Variants in CFAP65 observed in about 807,000 individuals in gnomAD.
CFAP65 encodes cilia and flagella associated protein 65.
In CFAP65, 155 loss-of-function variants were observed where a neutral mutation model predicts 208.0. The observed-to-expected ratio is 0.75, with a 90% CI of 0.65 to 0.85. The LOEUF (loss-of-function observed/expected upper bound fraction) is 0.85. Ranked by LOEUF, CFAP65 falls within the 40% of genes least tolerant of loss-of-function variation. CFAP65 has a pLI of 0.00. For missense variants in CFAP65, 2,294 were observed against 2,451.3 expected (o/e 0.94, Z 1.36); for synonymous variants, 970 against 986.3 (o/e 0.98, Z 0.31).
At position 219,021,286 on chromosome 2, in the gene CFAP65, C is replaced by T; in HGVS notation, c.3131-6G>A. 1 of 1,572,556 alleles carries T rather than the reference C, an allele frequency of 6.4e-7. No homozygotes were observed. Among genetic ancestry groups the T allele is most frequent in the Non-Finnish European group, 8.6e-7 (1 of 1,157,602 alleles). ...TGTTCGGTCCAGCTGCAGAGCTGCT[C>T]AGGGATGATGCCGGAGGGTCAGTGG... On this transcript the variant is annotated splice_region_variant and splice_polypyrimidine_tract_variant and intron_variant, in intron 18 of 34. Coordinates refer to ENST00000341552, the MANE Select transcript of CFAP65 (RefSeq NM_194302.4).
intron 31 of CFAP65, 42 bp from the exon 32 acceptor site, chr2:219,005,604 C>T (rs767751505): frequency 1.2e-6 from 2 of 1,605,908 alleles, no homozygotes; most frequent in Non-Finnish European, 1.7e-6. Context: ...GGCAAGCCAC[C>T]ATGCTGGGGT....
In CFAP65 at chr2:219,032,568, G is replaced by A. The variant is rs147924792; in HGVS notation, c.547C>T (p.Pro183Ser). The A allele has an allele frequency of 1.3e-6, 2 of 1,595,270 alleles. No homozygotes were observed. Among genetic ancestry groups the A allele is most frequent in the Non-Finnish European group, 1.7e-6 (2 of 1,170,712 alleles). The stretch of plus-strand genomic sequence containing the variant: ...ACCGTGAAGAAGAACTTGGTCTTGG[G>A]GGGCCTGCAGGAGAGAGCCGGTGGG... ...LKLQKMKYRP[P>S]KTKFFFTVIP... The change falls in exon 6 of 35, where the codon CCC (proline) becomes TCC (serine). Residue 183 changes from proline to serine, a missense_variant. By Grantham distance (74) the Pro-to-Ser change is moderately conservative. Around this residue, in one of 2 missense-constraint regions of CFAP65, gnomAD observed 867 missense variants for 1,012.6 expected, o/e 0.86. Coordinates refer to ENST00000341552, the MANE Select transcript of CFAP65 (RefSeq NM_194302.4). The surrounding 1 kb of genome is among the most constrained non-coding windows in gnomAD (Gnocchi z 5.5).
In CFAP65 at chr2:219,031,304, C is replaced by A; in HGVS notation, c.817G>T (p.Asp273Tyr). The stretch of plus-strand genomic sequence containing the variant: ...TCCCAGGTGAAGAAGGTGGGCAGGT[C>A]CCTGGGGGTGGGGGGCAGGTCAGGG... Reference protein sequence around the residue: ...EAFFCLDNVGDLPTFFTWEFS... With the variant: ...EAFFCLDNVGYLPTFFTWEFS... Residue 273 changes from aspartate to tyrosine, a missense_variant and splice_region_variant, in exon 8 of 35, where the codon GAC becomes TAC. Physicochemically the swap from Asp to Tyr is radical, Grantham distance 160. Transcript: ENST00000341552. This position sits in a 1 kb window ranked among gnomAD's most constrained non-coding sequence, Gnocchi z 5.2. 1 of 1,613,426 alleles carries A rather than the reference C, an allele frequency of 6.2e-7. No homozygotes were observed. The highest frequency in any genetic ancestry group is 1.3e-5 in the African/African-American group (1 of 75,006).
In CFAP65 at chr2:219,027,194, C is replaced by T. The variant is rs985128163; in HGVS notation, c.2211+456G>A. 36 of 1,252,660 alleles carry T rather than the reference C, an allele frequency of 2.9e-5. No homozygotes were observed. In the African/African-American group the frequency reaches 3.9e-4, roughly 14 times the overall value. 77.6% of individuals were successfully genotyped at this position (1,252,660 alleles called of 1,614,324 possible). A position where few individuals can be genotyped will look rare whatever the true frequency, so the allele number is the denominator to read the frequency against. ...CTGGGGACAGCCGGCACTCGGAGTT[C>T]CCGACCCAGGGAAGCTGAGTCAGAA... On this transcript the variant is annotated intron_variant, in intron 13 of 34. Transcript: ENST00000341552.
intron 2 of CFAP65, among the ~76,000 whole-genome samples, chr2:219,039,688 A>G (rs946057767): frequency 5.9e-5 from 9 of 152,206 alleles, no homozygotes; most frequent in African/African-American, 2.2e-4. Flanking sequence ...AAAATACTAC[A>G]TTGAATATGT....
chr2:219,032,511 T>C lies in CFAP65; in HGVS notation c.604A>G (p.Ile202Val). Residue 202 changes from isoleucine to valine, a missense_variant, in exon 6 of 35, where the codon ATA becomes GTA. Ile to Val is a conservative substitution (Grantham distance 29). Around this residue, in one of 2 missense-constraint regions of CFAP65, gnomAD observed 867 missense variants for 1,012.6 expected, o/e 0.86. Coordinates refer to ENST00000341552, the MANE Select transcript of CFAP65 (RefSeq NM_194302.4). The surrounding 1 kb of genome is among the most constrained non-coding windows in gnomAD (Gnocchi z 5.5). ...AAGACGATGGGGAGCGTGAGGGTTA[T>C]GCCTGGGCTCAGGAAGATGGGCTGA... ...IPQPIFLSPG[I>V]TLTLPIVFRP... 1 of 1,606,568 alleles carries C rather than the reference T, an allele frequency of 6.2e-7. No homozygotes were observed. Among genetic ancestry groups the C allele is most frequent in the Non-Finnish European group, 8.5e-7 (1 of 1,176,734 alleles).
In CFAP65 at chr2:219,032,596, GCA is replaced by G. The variant is rs1559159843; in HGVS notation, c.543-26_543-25del. On this transcript the variant is annotated intron_variant, in intron 5 of 34. Transcript: ENST00000341552. This position sits in a 1 kb window ranked among gnomAD's most constrained non-coding sequence, Gnocchi z 5.5. ...GCCTGCAGGAGAGAGCCGGTGGGGA[GCA>G]CCTCAGATCAGGGCTCAGAACAACT... is the stretch of plus-strand genomic sequence containing the variant. 1.9e-6 allele frequency: 3 copies of G among 1,566,258 alleles called. No homozygotes were observed. The highest frequency in any genetic ancestry group is 2.6e-6 in the Non-Finnish European group (3 of 1,152,956).
rs757558062 is a variant in CFAP65 at position 219,038,877 on chromosome 2, A to T, written c.153+19T>A. 6.3e-7 allele frequency: 1 copy of T among 1,594,164 alleles called. No homozygotes were observed. Among genetic ancestry groups the T allele is most frequent in the Non-Finnish European group, 8.6e-7 (1 of 1,169,258 alleles). On this transcript the variant is annotated intron_variant, in intron 3 of 34. Coordinates refer to ENST00000341552, the MANE Select transcript of CFAP65 (RefSeq NM_194302.4). Reference sequence around the variant, plus strand: ...TGCTCAGCAAGCTCCAGTGGGTGTTACTGAAGTGTGTGCATTACCTTTATC... The same window carrying T: ...TGCTCAGCAAGCTCCAGTGGGTGTTTCTGAAGTGTGTGCATTACCTTTATC...
chr2:219,011,264 T>G (rs1427686252), intron 24 of CFAP65, among the ~76,000 whole-genome samples: 1 of 149,784 alleles, frequency 6.7e-6, no homozygotes, highest in African/African-American at 2.5e-5. Flanking sequence ...TTTTTTCTTT[T>G]TCTTTCTTTT....
chr2:219,038,670 G>A (rs1948505885), intron 3 of CFAP65, 92 bp from the exon 4 acceptor site: 3 of 1,283,360 alleles, frequency 2.3e-6, no homozygotes, highest in Non-Finnish European at 3.3e-6. Flanking sequence ...TGTCATGGAG[G>A]AGAGGGTCTG....
In CFAP65 at chr2:219,003,036, G is replaced by A. The variant is rs1298750727; in HGVS notation, c.5694-15C>T. 5.8e-6 allele frequency: 9 copies of A among 1,553,510 alleles called. No individual in the cohort carries two copies. The highest frequency in any genetic ancestry group is 6.1e-6 in the Non-Finnish European group (7 of 1,147,778). On this transcript the variant is annotated splice_polypyrimidine_tract_variant and intron_variant, in intron 34 of 34. Coordinates refer to ENST00000341552, the MANE Select transcript of CFAP65 (RefSeq NM_194302.4). The surrounding 1 kb of genome is among the most constrained non-coding windows in gnomAD (Gnocchi z 4.4). ...GGGTCAGACTCCTGGAAGACAAAAA[G>A]TCCCAGGTAGGCGTGGGGGCGAGGC...
intron 1 of CFAP65, 92 bp from the exon 2 acceptor site, chr2:219,040,656 AC>A: frequency 3.9e-6 from 6 of 1,544,986 alleles, no homozygotes; most frequent in Non-Finnish European, 5.3e-6. Flanking sequence ...ACCTCAGGGG[AC>A]TGTACAGACA....
rs751366029 is a variant in CFAP65, at chr2:219,010,048, T to G, written c.4346A>C (p.Asn1449Thr). 1.9e-5 allele frequency: 31 copies of G among 1,607,950 alleles called. No individual in the cohort carries two copies. The highest frequency in any genetic ancestry group is 2.3e-5 in the Non-Finnish European group (27 of 1,177,448). The change falls in exon 27 of 35, where the codon AAC becomes ACC. Residue 1449 changes from asparagine to threonine, a missense_variant. By Grantham distance (65) the Asn-to-Thr change is moderately conservative (BLOSUM62 0). This residue lies in a region of CFAP65 where 1,427 missense variants were observed against 1,438.7 expected (regional missense o/e 0.99). Transcript: ENST00000341552. ...FLSQSHISLG[N>T]IPVQSKCSRL... ...GCTGCACTTGCTCTGCACAGGTATG[T>G]TTCCCAGGGAAATATGAGACTGGGA...
chr2:219,036,778 T>C (rs1023050391), intron 4 of CFAP65, among the ~76,000 whole-genome samples: 1 of 152,230 alleles, frequency 6.6e-6, no homozygotes, highest in African/African-American at 2.4e-5. Flanking sequence ...AGTATTGCTT[T>C]TATATTGTTG....
At chr2:219,026,936 G>A (rs747983777) in intron 13 of CFAP65, 11 of 986,218 alleles carry the variant, frequency 1.1e-5, no homozygotes, top group African/African-American at 1.7e-5. Flanking sequence ...ATCGGACGTG[G>A]TCCCAAGTTT....
chr2:219,034,699 G>A (rs963476161), intron 5 of CFAP65: 17 of 152,178 alleles, frequency 1.1e-4, no homozygotes, highest in African/African-American at 4.1e-4. Context: ...GATAATGTAA[G>A]AGAAAAATGG....
chr2:219,017,235 C>T (rs1194102173), intron 21 of CFAP65, among the ~76,000 whole-genome samples: 2 of 152,230 alleles, frequency 1.3e-5, no homozygotes, highest in African/African-American at 4.8e-5. Flanking sequence ...TGTTAACCAG[C>T]ATATTTGACA....
rs576189230 is a variant in CFAP65 at position 219,035,271 on chromosome 2, G to A, written c.542+209C>T. The stretch of plus-strand genomic sequence containing the variant: ...CCTTCATTCTGGATGAATACATTAT[G>A]GTACAGGCACACATTGGGACACTAT... On this transcript the variant is annotated intron_variant, in intron 5 of 34. Transcript: ENST00000341552. 2.1e-6 allele frequency: 3 copies of A among 1,449,060 alleles called. No individual in the cohort carries two copies. The Admixed American group carries it at 7.7e-5, about 37-fold the overall frequency. 89.8% of individuals were successfully genotyped at this position (1,449,060 alleles called of 1,614,324 possible).
intron 26 of CFAP65, 65 bp downstream of exon 26, chr2:219,010,481 T>A (rs1156399651): frequency 6.5e-7 from 1 of 1,539,860 alleles, no homozygotes; most frequent in African/African-American, 1.4e-5. Flanking sequence ...TCCTTCTGTC[T>A]GGCCACCCTG....
Sources: gnomAD v4.1 joint callset for allele counts (sites outside exome capture counted in the v4.1 genomes callset) on GRCh38, gnomAD v4.1.1 for gene constraint, gnomAD v4.1.1 regional missense constraint, Gnocchi (gnomAD v3.1) non-coding constraint, MANE v1.5 for transcripts, NCBI Gene and HGNC (gene_info 2026-07-23, HGNC 2026-07-21) for gene names.